SDK2: variants seen among roughly 807,000 people sequenced by gnomAD.
SDK2 encodes the protein protein sidekick-2.
Under a neutral mutation model 253.9 loss-of-function variants are expected in SDK2, and 105 were observed. That is an observed-to-expected ratio of 0.41 (90% CI 0.35 to 0.49). The LOEUF is 0.49. Ranked by LOEUF, SDK2 falls within the 20% of genes least tolerant of loss-of-function variation. SDK2 has a pLI of 0.06. For synonymous variants in SDK2, 1,249 were observed against 1,234.9 expected (o/e 1.01, Z -0.24); for missense variants, 2,608 against 3,003.0 (o/e 0.87, Z 3.07).
At position 73,596,800 on chromosome 17, in the gene SDK2, T is replaced by G. The variant is rs2045765425; in HGVS notation, c.64+47225A>C. 3.9e-5 allele frequency among the ~76,000 whole-genome samples: 6 copies of G among 152,156 alleles called. No individual in the cohort carries two copies. In the South Asian group the frequency reaches 6.2e-4, roughly 16 times the overall value. ...CCCTCCATGGCCTCCAGATGACAAG[T>G]CCCTGGGGATAGCTCCCTGCCATGG... On this transcript the variant is annotated intron_variant, in intron 1 of 44. Transcript: ENST00000392650.
intron 1 of SDK2, among the ~76,000 whole-genome samples, chr17:73,565,125 C>T (rs2045294208): frequency 6.6e-6 from 1 of 152,230 alleles, no homozygotes; most frequent in African/African-American, 2.4e-5. Flanking sequence ...TCCAGTCTTA[C>T]TGGCTTAAAC....
rs77259181 is a variant in SDK2 at position 73,446,549 on chromosome 17, G to A, written c.613+1066C>T. ...CCCTGGAATGGGGATGGCAAGGCCT[G>A]GGAATGTCCTGGGCCCTCTGGACAT... is the stretch of plus-strand genomic sequence containing the variant. On this transcript the variant is annotated intron_variant, in intron 5 of 44. Coordinates refer to ENST00000392650, the MANE Select transcript of SDK2 (RefSeq NM_001144952.2). 2.7e-3 allele frequency among the ~76,000 whole-genome samples: 417 copies of A among 152,318 alleles called. 3 individuals carry two copies. The highest frequency in any genetic ancestry group is 4.1e-3 in the Non-Finnish European group (280 of 68,030).
rs1352360553 is a variant in SDK2 at position 73,419,154 on chromosome 17, G to A, written c.2186+12C>T. 1 of 1,610,760 alleles carries A rather than the reference G, an allele frequency of 6.2e-7. No homozygotes were observed. The highest frequency in any genetic ancestry group is 8.5e-7 in the Non-Finnish European group (1 of 1,178,798). ...TTGGGACTGGGCTCCTGTCCCCAGGGTGGACACCCACCTGATGATGTAACC... is the reference window on the plus strand; with the variant it reads ...TTGGGACTGGGCTCCTGTCCCCAGGATGGACACCCACCTGATGATGTAACC... On this transcript the variant is annotated intron_variant, in intron 16 of 44. Transcript: ENST00000392650.
Position 73,380,961 on chromosome 17 carries a change from G to T in SDK2, c.4706-11C>A. On this transcript the variant is annotated splice_polypyrimidine_tract_variant and intron_variant, in intron 33 of 44. Transcript: ENST00000392650. ...GCATGGAGTACATGGCTATGGGGTG[G>T]GGGTGCCGGGGCGGGGGCGCAGAGG... 1 of 1,512,016 alleles carries T rather than the reference G, an allele frequency of 6.6e-7. No individual in the cohort carries two copies. The highest frequency in any genetic ancestry group is 2.4e-5 in the East Asian group (1 of 41,378). 93.7% of individuals were successfully genotyped at this position (1,512,016 alleles called of 1,614,324 possible). A position where few individuals can be genotyped will look rare whatever the true frequency, so the allele number is the denominator to read the frequency against.
chr17:73,344,613 T>C (rs1487814690), intron 44 of SDK2, among the ~76,000 whole-genome samples: 1 of 152,194 alleles, frequency 6.6e-6, no homozygotes, highest in African/African-American at 2.4e-5. Flanking sequence ...TAAATGAGAA[T>C]ATACAAAGCA....
chr17:73,460,948 C>T (rs914149917), intron 3 of SDK2, among the ~76,000 whole-genome samples: 3 of 152,262 alleles, frequency 2.0e-5, no homozygotes, highest in African/African-American at 4.8e-5. Flanking sequence ...TTTATTAGCT[C>T]CATTTTGCTG....
rs902804279 is a variant in SDK2, at chr17:73,335,867, G to C, written c.*2720C>G. ...ACAGATGTGTGTTCTGTGCATATTT[G>C]TGTGTGCATGTGTGTAAGCACAGGC... On this transcript the variant is annotated 3_prime_UTR_variant, in exon 45 of 45. Coordinates refer to ENST00000392650, the MANE Select transcript of SDK2 (RefSeq NM_001144952.2). The C allele has an allele frequency of 2.0e-5, 3 of 152,316 alleles. No homozygotes were observed. Among genetic ancestry groups the C allele is most frequent in the Non-Finnish European group, 4.4e-5 (3 of 68,054 alleles). 9.4% of individuals were successfully genotyped at this position (152,316 alleles called of 1,614,324 possible).
chr17:73,641,593 C>A (rs2046399131), intron 1 of SDK2, among the ~76,000 whole-genome samples: 1 of 151,862 alleles, frequency 6.6e-6, no homozygotes, highest in Non-Finnish European at 1.5e-5. Context: ...ACCCCCCATC[C>A]CCAAAAAAAA....
At chr17:73,462,050 G>C (rs1308078778) in intron 3 of SDK2, among the ~76,000 whole-genome samples, 3 of 151,926 alleles carry the variant, frequency 2.0e-5, no homozygotes, top group African/African-American at 7.3e-5. Flanking sequence ...GTGATAGATG[G>C]TTGCTTATGT....
At chr17:73,630,338 C>G (rs556551256) in intron 1 of SDK2, among the ~76,000 whole-genome samples, 58 of 152,258 alleles carry the variant, frequency 3.8e-4, no homozygotes, top group Non-Finnish European at 7.4e-4. Context: ...AAATGGTGCT[C>G]AAGTATGAGA....
intron 1 of SDK2, among the ~76,000 whole-genome samples, chr17:73,512,440 C>T (rs1041381408): frequency 2.6e-5 from 4 of 152,064 alleles, no homozygotes; most frequent in Admixed American, 6.6e-5. Flanking sequence ...TAGCCACCCT[C>T]TCTGTGGAAA....
chr17:73,492,962 G>A lies in SDK2; in HGVS notation c.224+14476C>T, dbSNP rs1326802530. On this transcript the variant is annotated intron_variant, in intron 2 of 44. Coordinates refer to ENST00000392650, the MANE Select transcript of SDK2 (RefSeq NM_001144952.2). ...TAATTAGTTTCTGTGTCCTGGCTGA[G>A]AGCCAAGGCCGGGCGCAGGAGGACC... is the stretch of plus-strand genomic sequence containing the variant. Among the ~76,000 whole-genome samples, 4 of 152,336 alleles carry A rather than the reference G, an allele frequency of 2.6e-5. No individual in the cohort carries two copies. In the East Asian group the frequency reaches 7.7e-4, roughly 29 times the overall value.
intron 29 of SDK2, among the ~76,000 whole-genome samples, chr17:73,388,912 C>CT (rs2062901957): frequency 1.2e-5 from 1 of 83,578 alleles, no homozygotes; most frequent in Non-Finnish European, 2.3e-5. Context: ...CTCCCTCCCT[C>CT]CCTTTTTCCC....
At position 73,393,601 on chromosome 17, in the gene SDK2, C is replaced by T. The variant is rs761305278; in HGVS notation, c.3857G>A (p.Ser1286Asn). Residue 1286 changes from serine to asparagine, a missense_variant, in exon 27 of 45, where the codon AGC becomes AAC. Physicochemically the swap from Ser to Asn is conservative, Grantham distance 46. Coordinates refer to ENST00000392650, the MANE Select transcript of SDK2 (RefSeq NM_001144952.2). ...VLAFTRIGDGSPSHPPILERT... is the reference protein window; with the variant it reads ...VLAFTRIGDGNPSHPPILERT... ...CTCCAGGATGGGAGGGTGGCTGGGG[C>T]TGCCGTCCCCGATGCGTGTGAAGGC... 2 of 1,580,024 alleles carry T rather than the reference C, an allele frequency of 1.3e-6. No homozygotes were observed. Among genetic ancestry groups the T allele is most frequent in the Non-Finnish European group, 1.7e-6 (2 of 1,156,154 alleles).
chr17:73,584,221 G>A (rs1002840543), intron 1 of SDK2, among the ~76,000 whole-genome samples: 6 of 152,320 alleles, frequency 3.9e-5, no homozygotes, highest in Middle Eastern at 3.4e-3. Flanking sequence ...CGCCTGCTCT[G>A]CACACCTTCT....
intron 1 of SDK2, among the ~76,000 whole-genome samples, chr17:73,515,006 T>A (rs746081981): frequency 2.0e-4 from 31 of 152,164 alleles, no homozygotes; most frequent in Non-Finnish European, 3.1e-4. Context: ...CTCTCCAAAC[T>A]TCTAGTCTTG....
chr17:73,362,581 G>C (rs1166778495), intron 38 of SDK2, among the ~76,000 whole-genome samples: 1 of 152,038 alleles, frequency 6.6e-6, no homozygotes, highest in African/African-American at 2.4e-5. Flanking sequence ...TGTAGAGACA[G>C]GGTCTCATTA....
chr17:73,376,276 T>C (rs2062780334), intron 36 of SDK2, among the ~76,000 whole-genome samples: 1 of 136,772 alleles, frequency 7.3e-6, no homozygotes, highest in Non-Finnish European at 1.5e-5. Context: ...GGCGGTATTA[T>C]TTATTTTGCC....
chr17:73,393,116 G>A (rs1291202272), intron 27 of SDK2, among the ~76,000 whole-genome samples: 1 of 151,732 alleles, frequency 6.6e-6, no homozygotes, highest in Non-Finnish European at 1.5e-5. Flanking sequence ...GTGGTGGCCA[G>A]CGCCTGTAAT....
Sources: allele counts gnomAD v4.1 joint callset (sites outside exome capture counted in the v4.1 genomes callset), GRCh38; gene constraint gnomAD v4.1.1; transcripts MANE v1.5; gene names NCBI Gene and HGNC (gene_info 2026-07-23, HGNC 2026-07-21).